CALCOCO1: variants seen among roughly 807,000 people sequenced by gnomAD.
CALCOCO1 encodes the protein calcium-binding and coiled-coil domain-containing protein 1.
CALCOCO1 carries 44 observed loss-of-function variants against 86.3 expected under a neutral mutation model. The ratio of observed to expected loss-of-function variants is 0.51; its 90% confidence interval spans 0.40 to 0.66. CALCOCO1 has a LOEUF of 0.66. Ranked by LOEUF, CALCOCO1 falls within the 30% of genes least tolerant of loss-of-function variation. CALCOCO1 has a pLI of 0.00. For missense variants in CALCOCO1, 708 were observed against 851.1 expected (o/e 0.83, Z 2.09); for synonymous variants, 297 against 327.6 (o/e 0.91, Z 1.01).
At chr12:53,718,253 A>T (rs372834909) in intron 7 of CALCOCO1, among the ~76,000 whole-genome samples, 1 of 152,178 alleles carries the variant, frequency 6.6e-6, no homozygotes, top group African/African-American at 2.4e-5. Context: ...ATATTGTACA[A>T]CCAAAATAAA....
chr12:53,722,943 C>CATAAAAAAAAAAAAA, intron 4 of CALCOCO1: 1 of 188,528 alleles, frequency 5.3e-6, no homozygotes, highest in East Asian at 1.3e-4. Flanking sequence ...AAGGCTGTCT[C>CATAAAAAAAAAAAAA]AAAAAAAAAA....
At chr12:53,720,453 G>A (rs1166595947) in intron 6 of CALCOCO1, among the ~76,000 whole-genome samples, 1 of 152,206 alleles carries the variant, frequency 6.6e-6, no homozygotes, top group African/African-American at 2.4e-5. Flanking sequence ...TACAACAGGT[G>A]GCAGGCTAGA....
rs2120501532 is a variant in CALCOCO1 at position 53,708,644 on chromosome 12, T to C, written c.*3300A>G. ...ATTAAAATAACTTAAAGATTATTTC[T>C]GGAGGACTGGTCCTATGTTCCAGTC... is the stretch of plus-strand genomic sequence containing the variant. On this transcript the variant is annotated 3_prime_UTR_variant, in exon 15 of 15. Coordinates refer to ENST00000550804, the MANE Select transcript of CALCOCO1 (RefSeq NM_020898.3). The C allele has an allele frequency of 6.6e-6, 1 of 152,318 alleles. No individual in the cohort carries two copies. The highest frequency in any genetic ancestry group is 6.5e-5 in the Admixed American group (1 of 15,300). 9.4% of individuals were successfully genotyped at this position (152,318 alleles called of 1,614,324 possible). A position where few individuals can be genotyped will look rare whatever the true frequency, so the allele number is the denominator to read the frequency against.
Position 53,715,818 on chromosome 12 carries a change from C to T in CALCOCO1, c.1235G>A (p.Arg412Gln), listed in dbSNP as rs777737108. 4 of 1,613,742 alleles carry T rather than the reference C, an allele frequency of 2.5e-6. No individual in the cohort carries two copies. Among genetic ancestry groups the T allele is most frequent in the East Asian group, 2.2e-5 (1 of 44,884 alleles). The change falls in exon 9 of 15, where the codon CGG (arginine) becomes CAG (glutamine). Residue 412 changes from arginine to glutamine, a missense_variant. Coordinates refer to ENST00000550804, the MANE Select transcript of CALCOCO1 (RefSeq NM_020898.3). ...CTCCACACTCTGCAGCAGCCCTGCCCGCTCCTTGCTCCATTGGCATTTTTC... is the reference window on the plus strand; with the variant it reads ...CTCCACACTCTGCAGCAGCCCTGCCTGCTCCTTGCTCCATTGGCATTTTTC... The part of the protein sequence containing the change: ...KEEKCQWSKE[R>Q]AGLLQSVEAE...
intron 7 of CALCOCO1, among the ~76,000 whole-genome samples, chr12:53,718,354 G>C (rs79411008): frequency 0.021 from 3,195 of 152,156 alleles, 109 homozygotes; most frequent in African/African-American, 0.073. Flanking sequence ...TTACCTAAGT[G>C]CTTTCATTAC....
At position 53,712,064 on chromosome 12, in the gene CALCOCO1, TGTGGGGGTGGCAGGGCCCCCA is replaced by T. The variant is rs1048776109; in HGVS notation, c.1935_1955del (p.Gly646_Thr652del). The T allele has an allele frequency of 6.2e-6, 10 of 1,612,008 alleles. No individual in the cohort carries two copies. In the African/African-American group the frequency reaches 1.1e-4, roughly 17 times the overall value. On this transcript the variant is annotated inframe_deletion, in exon 15 of 15. Coordinates refer to ENST00000550804, the MANE Select transcript of CALCOCO1 (RefSeq NM_020898.3). ...CCTTACAGATAGGACACTCCTTCCA[TGTGGGGGTGGCAGGGCCCCCA>T]GTGCTGGTTTCTGACAGGGTACCCA... is the stretch of plus-strand genomic sequence containing the variant.
rs1229089941 is a variant in CALCOCO1 at position 53,716,736 on chromosome 12, A to G, written c.850-321T>C. 2.6e-5 allele frequency among the ~76,000 whole-genome samples: 4 copies of G among 152,178 alleles called. No homozygotes were observed. In the East Asian group the frequency reaches 7.7e-4, roughly 29 times the overall value. ...ATGCCCTACAGGCCCCTTAAACTCA[A>G]CAGTCTACCTCTCACCCCATCCCAG... On this transcript the variant is annotated intron_variant, in intron 7 of 14. Transcript: ENST00000550804.
chr12:53,727,245 C>A (rs576431289), intron 1 of CALCOCO1, among the ~76,000 whole-genome samples, 159 bp downstream of exon 1: 1 of 152,216 alleles, frequency 6.6e-6, no homozygotes, highest in Non-Finnish European at 1.5e-5. Context: ...AAGAACTCCC[C>A]AAACAGCGGG....
rs555978067 is a variant in CALCOCO1 at position 53,720,123 on chromosome 12, A to T, written c.759-294T>A. Among the ~76,000 whole-genome samples, 6 of 152,336 alleles carry T rather than the reference A, an allele frequency of 3.9e-5. No homozygotes were observed. The East Asian group carries it at 1.2e-3, about 29-fold the overall frequency. On this transcript the variant is annotated intron_variant, in intron 6 of 14. Transcript: ENST00000550804. Reference sequence around the variant, plus strand: ...TCACTCAATCAAGAGACTAGAATCTAGTCTTTTTGAGACAAGGGCAGTCAT... The same window carrying T: ...TCACTCAATCAAGAGACTAGAATCTTGTCTTTTTGAGACAAGGGCAGTCAT...
chr12:53,719,252 G>A (rs999375023), intron 7 of CALCOCO1, among the ~76,000 whole-genome samples: 5 of 152,016 alleles, frequency 3.3e-5, no homozygotes, highest in East Asian at 1.9e-4. Flanking sequence ...GAGGCCAGGC[G>A]CAGTGGCTCA....
chr12:53,713,868 C>A lies in CALCOCO1; in HGVS notation c.1624G>T (p.Glu542Ter). 1 of 1,527,228 alleles carries A rather than the reference C, an allele frequency of 6.5e-7. No individual in the cohort carries two copies. The highest frequency in any genetic ancestry group is 8.8e-7 in the Non-Finnish European group (1 of 1,138,108). 94.6% of individuals were successfully genotyped at this position (1,527,228 alleles called of 1,614,324 possible). A position where few individuals can be genotyped will look rare whatever the true frequency, so the allele number is the denominator to read the frequency against. ...GGGAGCCTCATGTCTTCTGGGGACTCGTCCTCTGAGTCTGTCAGAGCTGCC... is the reference window on the plus strand; with the variant it reads ...GGGAGCCTCATGTCTTCTGGGGACTAGTCCTCTGAGTCTGTCAGAGCTGCC... ...CPAALTDSED[E>*]SPEDMRLPPY... The change falls in exon 13 of 15, where the codon GAG (glutamate) becomes TAG (stop). Residue 542 changes from glutamate to a stop codon, truncating the protein, a stop_gained. Coordinates refer to ENST00000550804, the MANE Select transcript of CALCOCO1 (RefSeq NM_020898.3). LOFTEE classifies it high-confidence loss of function.
At chr12:53,715,429 G>C in intron 9 of CALCOCO1, 104 bp from the exon 10 acceptor site, 1 of 1,457,088 alleles carries the variant, frequency 6.9e-7, no homozygotes, top group Non-Finnish European at 9.3e-7. Context: ...TTTATTTAAA[G>C]CATCATTTTT....
At chr12:53,713,948 G>A (rs1201918060) in intron 12 of CALCOCO1, 48 bp from the exon 13 acceptor site, 1 of 1,491,662 alleles carries the variant, frequency 6.7e-7, no homozygotes, top group Non-Finnish European at 9.1e-7. Context: ...GTGTTGTGAG[G>A]AGTTGGACCA....
Position 53,713,226 on chromosome 12 carries a change from G to A in CALCOCO1, c.1792-20C>T, listed in dbSNP as rs1347993699. On this transcript the variant is annotated intron_variant, in intron 13 of 14. Transcript: ENST00000550804. The stretch of plus-strand genomic sequence containing the variant: ...AGCCTCCTGGATGCCAAAGAGACAG[G>A]GTTGGGCTTTGGGGTGGTGTCCCAA... 6.2e-7 allele frequency: 1 copy of A among 1,605,076 alleles called. No homozygotes were observed. The highest frequency in any genetic ancestry group is 1.7e-5 in the Admixed American group (1 of 60,000).
intron 8 of CALCOCO1, 25 bp downstream of exon 8, chr12:53,716,235 C>G (rs368146100): frequency 6.2e-7 from 1 of 1,611,830 alleles, no homozygotes; most frequent in Admixed American, 1.7e-5. Context: ...TTTCCCGTTT[C>G]CTGTTGCCAA....
In CALCOCO1 at chr12:53,725,186, A is replaced by G. The variant is rs957834165; in HGVS notation, c.57T>C (p.Asn19=). Residue 19 remains asparagine, a synonymous_variant, in exon 2 of 15, where the codon AAT becomes AAC. Coordinates refer to ENST00000550804, the MANE Select transcript of CALCOCO1 (RefSeq NM_020898.3). The stretch of plus-strand genomic sequence containing the variant: ...TGTTGGGGATGTAGGTCCGGGCTAC[A>G]TTGAGAAAGTTGACTCCACCACGGG... ...APSRGGVNFL[N]VARTYIPNTK... 2 of 1,612,796 alleles carry G rather than the reference A, an allele frequency of 1.2e-6. No homozygotes were observed. Among genetic ancestry groups the G allele is most frequent in the Non-Finnish European group, 1.7e-6 (2 of 1,179,416 alleles).
chr12:53,723,800 G>C lies in CALCOCO1; in HGVS notation c.260-17C>G. On this transcript the variant is annotated splice_polypyrimidine_tract_variant and intron_variant, in intron 3 of 14. Transcript: ENST00000550804. ...GGTAGCTGGCTGTGGGAAGAAGAAT[G>C]GACCCAGGACCCCAATAATCCACTG... 4 of 1,607,218 alleles carry C rather than the reference G, an allele frequency of 2.5e-6. No individual in the cohort carries two copies. The highest frequency in any genetic ancestry group is 3.4e-6 in the Non-Finnish European group (4 of 1,175,264).
At chr12:53,719,259 C>T (rs902582878) in intron 7 of CALCOCO1, among the ~76,000 whole-genome samples, 7 of 152,054 alleles carry the variant, frequency 4.6e-5, no homozygotes, top group African/African-American at 1.2e-4. Context: ...GGCGCAGTGG[C>T]TCACACCTGT....
At chr12:53,721,671 G>A (rs1945871337) in intron 5 of CALCOCO1, 56 bp from the exon 6 acceptor site, 1 of 1,604,658 alleles carries the variant, frequency 6.2e-7, no homozygotes, top group Non-Finnish European at 8.5e-7. Context: ...CTCTCAAGTG[G>A]TGGAACAAAG....
Sources: gnomAD v4.1 joint callset for allele counts (sites outside exome capture counted in the v4.1 genomes callset) on GRCh38, gnomAD v4.1.1 for gene constraint, MANE v1.5 for transcripts, NCBI Gene and HGNC (gene_info 2026-07-23, HGNC 2026-07-21) for gene names.